ALPK1: variants seen among roughly 807,000 people sequenced by gnomAD.
ALPK1 encodes alpha-protein kinase 1.
Under a neutral mutation model 120.6 loss-of-function variants are expected in ALPK1, and 110 were observed. That is an observed-to-expected ratio of 0.91 (90% CI 0.78 to 1.07). The LOEUF (loss-of-function observed/expected upper bound fraction) is 1.07, where lower values mean the gene tolerates loss of function less well. Among genes scored for constraint, ALPK1 ranks in the 50% least tolerant of loss-of-function variants. ALPK1 has a pLI of 0.00. For missense variants in ALPK1, 1,498 were observed against 1,483.9 expected (o/e 1.01, Z -0.16); for synonymous variants, 582 against 560.3 (o/e 1.04, Z -0.55).
At chr4:112,344,423 T>A (rs1578482880) in intron 2 of ALPK1, among the ~76,000 whole-genome samples, 1 of 152,180 alleles carries the variant, frequency 6.6e-6, no homozygotes, top group African/African-American at 2.4e-5. Context: ...TCTAGTATAG[T>A]TAAAGTATGG....
intron 12 of ALPK1, 70 bp from the exon 13 acceptor site, chr4:112,438,414 T>C: frequency 7.0e-7 from 1 of 1,425,844 alleles, no homozygotes; most frequent in Admixed American, 2.0e-5. Flanking sequence ...TCTTTTGATC[T>C]CCTCTCTCTT....
At chr4:112,331,668 C>T (rs1729375106) in intron 2 of ALPK1, among the ~76,000 whole-genome samples, 1 of 152,196 alleles carries the variant, frequency 6.6e-6, no homozygotes, top group African/African-American at 2.4e-5. Context: ...CATTTTCTAT[C>T]CTGTCCATAG....
intron 1 of ALPK1, among the ~76,000 whole-genome samples, chr4:112,314,149 A>G (rs1381127854): frequency 6.6e-6 from 1 of 152,332 alleles, no homozygotes; most frequent in East Asian, 1.9e-4. Context: ...TCCCTCTCTG[A>G]TAGCAGAAGG....
chr4:112,367,803 T>G (rs373756341), intron 2 of ALPK1, among the ~76,000 whole-genome samples: 1 of 152,254 alleles, frequency 6.6e-6, no homozygotes, highest in East Asian at 1.9e-4. Context: ...TTAGCCTGTC[T>G]TCATATATTC....
chr4:112,438,446 C>A, intron 12 of ALPK1, 38 bp from the exon 13 acceptor site: 1 of 1,603,038 alleles, frequency 6.2e-7, no homozygotes, highest in South Asian at 1.1e-5. Flanking sequence ...AGTAAGACCA[C>A]TTTTGCATTT....
intron 2 of ALPK1, among the ~76,000 whole-genome samples, chr4:112,350,372 A>G (rs1249457730): frequency 6.6e-6 from 1 of 152,180 alleles, no homozygotes; most frequent in Non-Finnish European, 1.5e-5. Flanking sequence ...ACAATTTTAT[A>G]TTACAATATG....
chr4:112,303,212 A>G (rs760918031), intron 1 of ALPK1, among the ~76,000 whole-genome samples: 11 of 152,100 alleles, frequency 7.2e-5, no homozygotes, highest in Non-Finnish European at 1.5e-4. Context: ...CCTTGGATGT[A>G]CTTAACACTA....
intron 1 of ALPK1, among the ~76,000 whole-genome samples, chr4:112,308,951 A>C (rs1728260143): frequency 6.6e-6 from 1 of 152,080 alleles, no homozygotes; most frequent in Non-Finnish European, 1.5e-5. Flanking sequence ...TCTGTTTGTT[A>C]GTTTTCCTTC....
chr4:112,363,555 A>G (rs1731007086), intron 2 of ALPK1, among the ~76,000 whole-genome samples: 1 of 152,196 alleles, frequency 6.6e-6, no homozygotes, highest in South Asian at 2.1e-4. Flanking sequence ...AAATTTATCA[A>G]ACAACTACTA....
rs775203492 is a variant in ALPK1 at position 112,431,619 on chromosome 4, TAGA to T, written c.2075_2077del (p.Glu692del). The T allele has an allele frequency of 4.3e-6, 7 of 1,614,146 alleles. No individual in the cohort carries two copies. In the South Asian group the frequency reaches 7.7e-5, roughly 18 times the overall value. ...TTCTTGGCCCCTGGTGCAGGGCTTCTAGAAGGAGCTCCAGAAGGTATCCAGGAA... is the reference window on the plus strand; with the variant it reads ...TTCTTGGCCCCTGGTGCAGGGCTTCTAGGAGCTCCAGAAGGTATCCAGGAA... On this transcript the variant is annotated inframe_deletion, in exon 11 of 16. Transcript: ENST00000650871.
chr4:112,417,867 T>C (rs984661984), intron 5 of ALPK1, among the ~76,000 whole-genome samples: 1 of 152,196 alleles, frequency 6.6e-6, no homozygotes, highest in Non-Finnish European at 1.5e-5. Context: ...TTCACCTAAA[T>C]AGATTTTTTA....
In ALPK1 at chr4:112,319,851, G is replaced by C. The variant is rs138397708; in HGVS notation, c.-101+3999G>C. On this transcript the variant is annotated intron_variant, in intron 2 of 15. Coordinates refer to ENST00000650871, the MANE Select transcript of ALPK1 (RefSeq NM_025144.4). ...TGATTTGAATCTCAGCTTGGTCACTGTTGATGTATAGCAGAGCTACTGATT... is the reference window on the plus strand; with the variant it reads ...TGATTTGAATCTCAGCTTGGTCACTCTTGATGTATAGCAGAGCTACTGATT... 5.8e-3 allele frequency among the ~76,000 whole-genome samples: 878 copies of C among 152,288 alleles called. 10 individuals carry two copies. The highest frequency in any genetic ancestry group is 0.02 in the African/African-American group (837 of 41,550).
chr4:112,433,557 G>A (rs992707781), intron 11 of ALPK1, among the ~76,000 whole-genome samples: 6 of 152,200 alleles, frequency 3.9e-5, no homozygotes, highest in African/African-American at 1.4e-4. Context: ...ACAGCCCAAT[G>A]TCACTGCCCA....
At position 112,431,119 on chromosome 4, in the gene ALPK1, T is replaced by C. The variant is rs746117323; in HGVS notation, c.1572T>C (p.Gly524=). 6.2e-7 allele frequency: 1 copy of C among 1,614,088 alleles called. No homozygotes were observed. Among genetic ancestry groups the C allele is most frequent in the East Asian group, 2.2e-5 (1 of 44,878 alleles). ...CAGGAATATCTTCCTCCCTAATGGGTAAGAATGTTCAGAGGGAACTCAGAA... is the reference window on the plus strand; with the variant it reads ...CAGGAATATCTTCCTCCCTAATGGGCAAGAATGTTCAGAGGGAACTCAGAA... The part of the protein sequence containing the change: ...RDTGISSSLM[G]KNVQRELRRG... Residue 524 remains glycine (G), a synonymous_variant, in exon 11 of 16, where the codon GGT becomes GGC. Coordinates refer to ENST00000650871, the MANE Select transcript of ALPK1 (RefSeq NM_025144.4).
chr4:112,347,740 A>C (rs1171603569), intron 2 of ALPK1, among the ~76,000 whole-genome samples: 1 of 152,270 alleles, frequency 6.6e-6, no homozygotes, highest in Non-Finnish European at 1.5e-5. Flanking sequence ...TTACAGATAC[A>C]GTGCATCTTA....
intron 10 of ALPK1, among the ~76,000 whole-genome samples, chr4:112,429,860 G>T (rs1461292133): frequency 1.8e-5 from 2 of 113,946 alleles, no homozygotes; most frequent in African/African-American, 6.7e-5. Flanking sequence ...AAAAAGAAAA[G>T]AAAAGAGAAA....
intron 2 of ALPK1, among the ~76,000 whole-genome samples, chr4:112,339,495 T>C (rs889198247): frequency 3.9e-5 from 6 of 152,172 alleles, no homozygotes; most frequent in African/African-American, 1.4e-4. Flanking sequence ...AACTACAAGA[T>C]AAGAAAAACA....
Position 112,427,556 on chromosome 4 carries a change from T to C in ALPK1, c.700-14T>C, listed in dbSNP as rs772422578. On this transcript the variant is annotated splice_polypyrimidine_tract_variant and intron_variant, in intron 8 of 15. Transcript: ENST00000650871. ...GAATTCCCGATCTGTGACTTCTTTGTGTTTTTCTTACAGGGCCTCTCCACG... is the reference window on the plus strand; with the variant it reads ...GAATTCCCGATCTGTGACTTCTTTGCGTTTTTCTTACAGGGCCTCTCCACG... 6.2e-7 allele frequency: 1 copy of C among 1,604,100 alleles called. No individual in the cohort carries two copies. The highest frequency in any genetic ancestry group is 8.5e-7 in the Non-Finnish European group (1 of 1,170,948).
At chr4:112,362,566 A>G (rs781725424) in intron 2 of ALPK1, among the ~76,000 whole-genome samples, 2 of 152,100 alleles carry the variant, frequency 1.3e-5, no homozygotes, top group Non-Finnish European at 2.9e-5. Context: ...ATGAACAGAG[A>G]CTCCAAGAAG....
Sources: gnomAD v4.1 joint callset for allele counts (sites outside exome capture counted in the v4.1 genomes callset) on GRCh38, gnomAD v4.1.1 for gene constraint, MANE v1.5 for transcripts, NCBI Gene and HGNC (gene_info 2026-07-23, HGNC 2026-07-21) for gene names.